The following HBP1 variants were observed in gnomAD, a reference collection of about 807,000 sequenced individuals.
HBP1 encodes the protein HMG box-containing protein 1.
Under a neutral mutation model 62.6 loss-of-function variants are expected in HBP1, and 20 were observed. The observed-to-expected ratio is 0.32, with a 90% CI of 0.22 to 0.46. The LOEUF is 0.46. Ranked by LOEUF, HBP1 falls within the 20% of genes least tolerant of loss-of-function variation. The pLI, the probability that HBP1 is intolerant of heterozygous loss-of-function variation, is 1.00. For missense variants in HBP1, 480 were observed against 611.8 expected (o/e 0.78, Z 2.27); for synonymous variants, 232 against 206.2 (o/e 1.12, Z -1.07).
At chr7:107,183,133 G>A (rs1172321112) in intron 3 of HBP1, among the ~76,000 whole-genome samples, 1 of 152,216 alleles carries the variant, frequency 6.6e-6, no homozygotes. Flanking sequence ...AAGAAAATGA[G>A]TGGTTGTGCT....
intron 1 of HBP1, chr7:107,173,441 C>T (rs1796698077): frequency 6.6e-6 from 1 of 152,142 alleles, no homozygotes; most frequent in South Asian, 2.1e-4. Context: ...TACCTTTTGT[C>T]TTTTTTCCCT....
At chr7:107,170,959 A>ATAAAATATATAACATATACATGTATATG (rs1562881604) in intron 1 of HBP1, among the ~76,000 whole-genome samples, 5 of 143,158 alleles carry the variant, frequency 3.5e-5, no homozygotes, top group South Asian at 2.2e-4. Flanking sequence ...ACATGTATAT[A>ATAAAATATATAACATATACATGTATATG]TATAAAATAT....
chr7:107,198,840 A>AGAG (rs567058063), intron 9 of HBP1, among the ~76,000 whole-genome samples: 51 of 152,354 alleles, frequency 3.3e-4, no homozygotes, highest in African/African-American at 1.2e-3. Context: ...TAGGGAACAC[A>AGAG]GAGTATAGTC....
In HBP1 at chr7:107,201,588, G is replaced by A; in HGVS notation, c.*157G>A. ...TGAAATGATTTAATAATATGAGTGAGGATTTGCTTTCTCCATTAGAGCATT... is the reference window on the plus strand; with the variant it reads ...TGAAATGATTTAATAATATGAGTGAAGATTTGCTTTCTCCATTAGAGCATT... On this transcript the variant is annotated 3_prime_UTR_variant, in exon 11 of 11. Transcript: ENST00000222574. 2.2e-6 allele frequency: 1 copy of A among 456,568 alleles called. No individual in the cohort carries two copies. 28.3% of individuals were successfully genotyped at this position (456,568 alleles called of 1,614,324 possible). A position where few individuals can be genotyped will look rare whatever the true frequency, so the allele number is the denominator to read the frequency against.
At chr7:107,188,120 C>T (rs1797477567) in intron 6 of HBP1, among the ~76,000 whole-genome samples, 2 of 152,180 alleles carry the variant, frequency 1.3e-5, no homozygotes, top group African/African-American at 4.8e-5. Context: ...TTTAAGGTCT[C>T]CTGCAGCCCT....
chr7:107,170,245 A>G (rs1177872722), intron 1 of HBP1: 2 of 414,710 alleles, frequency 4.8e-6, no homozygotes, highest in Non-Finnish European at 6.5e-6. Flanking sequence ...GAGTCCTACT[A>G]ACAGCTCGGA....
chr7:107,172,876 G>A (rs905977156), intron 1 of HBP1, among the ~76,000 whole-genome samples: 7 of 152,238 alleles, frequency 4.6e-5, no homozygotes, highest in Middle Eastern at 3.4e-3. Flanking sequence ...GCAGGCCTGA[G>A]TGACTGGGCC....
Position 107,185,950 on chromosome 7 carries a change from T to A in HBP1, c.540+8T>A, listed in dbSNP as rs770784732. ...CCAGTAAGACACGAAAGGGTAAGTTTATTTATGAGGTTAAACTTTTACAAA... is the reference window on the plus strand; with the variant it reads ...CCAGTAAGACACGAAAGGGTAAGTTAATTTATGAGGTTAAACTTTTACAAA... On this transcript the variant is annotated splice_region_variant and intron_variant, in intron 4 of 10. Coordinates refer to ENST00000222574, the MANE Select transcript of HBP1 (RefSeq NM_012257.4). The A allele has an allele frequency of 3.7e-6, 6 of 1,605,430 alleles. No homozygotes were observed. Among genetic ancestry groups the A allele is most frequent in the African/African-American group, 1.3e-5 (1 of 74,764 alleles).
intron 8 of HBP1, among the ~76,000 whole-genome samples, chr7:107,194,590 T>A (rs910338878): frequency 2.0e-5 from 3 of 152,222 alleles, no homozygotes; most frequent in African/African-American, 7.2e-5. Context: ...GTCAGTGGCA[T>A]GGACCGCCCT....
intron 1 of HBP1, 29 bp downstream of exon 1, chr7:107,169,214 TGGGGGTGGGGAAGGGAGGGGCAGGAGCGC>T: frequency 4.2e-5 from 1 of 23,988 alleles, no homozygotes; most frequent in Non-Finnish European, 5.3e-5. Context: ...AGGGAAGAGG[TGGGGGTGGGGAAGGGAGGGGCAGGAGCGC>T]GGGGGATTGG....
chr7:107,200,458 T>C (rs1798185736), intron 10 of HBP1, 157 bp downstream of exon 10: 1 of 477,886 alleles, frequency 2.1e-6, no homozygotes, highest in Non-Finnish European at 3.6e-6. Flanking sequence ...CATCATCATA[T>C]AAAGACTGCC....
At chr7:107,179,687 G>A (rs571227346) in intron 1 of HBP1, 192 bp from the exon 2 acceptor site, 4 of 336,768 alleles carry the variant, frequency 1.2e-5, no homozygotes, top group Non-Finnish European at 2.2e-5. Context: ...CGGGAGAATC[G>A]CTTGAACCCA....
chr7:107,174,423 A>G (rs1255307743), intron 1 of HBP1: 3 of 964,652 alleles, frequency 3.1e-6, no homozygotes, highest in Admixed American at 6.2e-5. Context: ...AATTAAAATA[A>G]TGTCTTTTTC....
chr7:107,199,768 C>G (rs1798128248), intron 9 of HBP1, among the ~76,000 whole-genome samples: 1 of 152,118 alleles, frequency 6.6e-6, no homozygotes, highest in South Asian at 2.1e-4. Flanking sequence ...TTGAGTTTAT[C>G]CAGTTTTCTC....
chr7:107,190,924 A>G (rs1797622408), intron 8 of HBP1, among the ~76,000 whole-genome samples: 2 of 152,298 alleles, frequency 1.3e-5, no homozygotes, highest in Admixed American at 6.5e-5. Context: ...CTTCATTTAT[A>G]TGGGACTTTC....
intron 10 of HBP1, chr7:107,201,117 A>G: frequency 3.5e-6 from 1 of 281,940 alleles, no homozygotes; most frequent in Non-Finnish European, 6.6e-6. Flanking sequence ...GTCAGTCAGT[A>G]GTCAGATGAG....
intron 1 of HBP1, among the ~76,000 whole-genome samples, chr7:107,171,386 C>T (rs1393014271): frequency 6.6e-6 from 1 of 151,784 alleles, no homozygotes; most frequent in African/African-American, 2.4e-5. Context: ...ATTTTAACTT[C>T]TTTGGATTCT....
intron 1 of HBP1, among the ~76,000 whole-genome samples, chr7:107,171,046 AATATATATATATAT>A (rs374693805): frequency 6.6e-5 from 4 of 60,506 alleles, no homozygotes; most frequent in African/African-American, 2.3e-4. Context: ...TACATGTATA[AATATATATATATAT>A]ATATATATAT....
chr7:107,196,202 G>A (rs1451507158), intron 9 of HBP1, 51 bp downstream of exon 9: 5 of 1,006,124 alleles, frequency 5.0e-6, no homozygotes, highest in Middle Eastern at 2.0e-4. Context: ...ACTTCAATAC[G>A]GTTCATGGTA....
Sources: allele counts gnomAD v4.1 joint callset (sites outside exome capture counted in the v4.1 genomes callset), GRCh38; gene constraint gnomAD v4.1.1; transcripts MANE v1.5; gene names NCBI Gene and HGNC (gene_info 2026-07-23, HGNC 2026-07-21).